KANTR: variants seen among roughly 807,000 people sequenced by gnomAD.
KANTR encodes KDM5C adjacent transcript.
rs372072136 is a variant in KANTR at position 53,142,281 on chromosome X, T to C, written n.637T>C. On this transcript the variant is annotated non_coding_transcript_exon_variant, in exon 3 of 3. Coordinates refer to the KANTR transcript ENST00000366185. Reference sequence around the variant, plus strand: ...ACAAGTCTACAATCCAGTGCTGATATCAGATACAAGCTTCAAGGACAACTT... The same window carrying C: ...ACAAGTCTACAATCCAGTGCTGATACCAGATACAAGCTTCAAGGACAACTT... The C allele has an allele frequency of 1.2e-3, 165 of 132,268 alleles. 1 individual carries two copies. The highest frequency in any genetic ancestry group is 4.9e-3 in the African/African-American group (151 of 30,787). The allele number at this position is 132,268 out of a possible 1,213,427, so 10.9% of individuals were successfully genotyped here. A position where few individuals can be genotyped will look rare whatever the true frequency, so the allele number is the denominator to read the frequency against.
intron 2 of KANTR, among the ~76,000 whole-genome samples, chrX:53,104,478 C>T (rs193075245): frequency 1.0e-4 from 11 of 110,417 alleles, no homozygotes; most frequent in Non-Finnish European, 2.1e-4. Flanking sequence ...CCACCCGCCT[C>T]GGCCTCCCAA....
At chrX:53,102,517 G>T (rs1932903232) in intron 2 of KANTR, among the ~76,000 whole-genome samples, 1 of 112,246 alleles carries the variant, frequency 8.9e-6, no homozygotes, top group Non-Finnish European at 1.9e-5. Context: ...CCGCAGAAGA[G>T]AAGTTATGTC....
At chrX:53,139,663 A>T (rs782290791) in intron 2 of KANTR, among the ~76,000 whole-genome samples, 3 of 111,092 alleles carry the variant, frequency 2.7e-5, no homozygotes, top group African/African-American at 6.6e-5. Flanking sequence ...AGAAAAAATA[A>T]TTTTTTTTTA....
chrX:53,111,049 T>G (rs1437765366), intron 2 of KANTR, among the ~76,000 whole-genome samples: 2 of 109,366 alleles, frequency 1.8e-5, no homozygotes, highest in African/African-American at 6.6e-5. Context: ...AGAGTCTTGC[T>G]CTGTCACCTA....
chrX:53,143,632 A>G, downstream of KANTR: 1 of 739,187 alleles, frequency 1.4e-6, no homozygotes. Context: ...GGTCATGCAC[A>G]GCTCGTTGTA....
At chrX:53,120,991 T>G (rs782200982) in intron 2 of KANTR, among the ~76,000 whole-genome samples, 24 of 106,860 alleles carry the variant, frequency 2.2e-4, no homozygotes, top group South Asian at 2.1e-3. Flanking sequence ...CAAGGTGTTG[T>G]TTTTTTTTGT....
intron 2 of KANTR, among the ~76,000 whole-genome samples, chrX:53,136,693 CATATATATATATATATATAT>C (rs58263602): frequency 0.048 from 451 of 9,304 alleles, 65 homozygotes; most frequent in South Asian, 0.07. Flanking sequence ...CCACGCCCGG[CATATATATATATATATATAT>C]ATATATATAT....
downstream of KANTR, among the ~76,000 whole-genome samples, chrX:53,146,657 G>GCA (rs1483379119): frequency 3.6e-5 from 4 of 111,128 alleles, no homozygotes; most frequent in Non-Finnish European, 7.5e-5. Context: ...GCAACTCCAA[G>GCA]ACACATAATT....
chrX:53,101,215 A>G (rs1290508250), intron 2 of KANTR, among the ~76,000 whole-genome samples: 1 of 113,012 alleles, frequency 8.8e-6, no homozygotes, highest in African/African-American at 3.2e-5. Context: ...CAACTTGGCT[A>G]ACTGTTCGGC....
At chrX:53,134,704 G>A (rs1933400971) in intron 2 of KANTR, among the ~76,000 whole-genome samples, 1 of 111,856 alleles carries the variant, frequency 8.9e-6, no homozygotes, top group Non-Finnish European at 1.9e-5. Context: ...CTATGAGGGG[G>A]TGGGTGTTGG....
chrX:53,105,264 C>T (rs1556812530), intron 2 of KANTR, among the ~76,000 whole-genome samples: 1 of 111,708 alleles, frequency 9.0e-6, no homozygotes, highest in Non-Finnish European at 1.9e-5. Context: ...ATGAAGGTTC[C>T]AGTTTCTCCA....
intron 2 of KANTR, among the ~76,000 whole-genome samples, chrX:53,139,230 A>G (rs1226987797): frequency 1.8e-4 from 4 of 21,803 alleles, no homozygotes; most frequent in Admixed American, 8.9e-4. Flanking sequence ...CAAAAAAAAA[A>G]AAAAAAAAAA....
chrX:53,105,710 G>A (rs1165478457), intron 2 of KANTR, among the ~76,000 whole-genome samples: 1 of 104,861 alleles, frequency 9.5e-6, no homozygotes, highest in Non-Finnish European at 2.0e-5. Flanking sequence ...GTGTTGCCCA[G>A]GCTGATCTCG....
chrX:53,116,503 T>C (rs1005282724), intron 2 of KANTR, among the ~76,000 whole-genome samples: 3 of 112,079 alleles, frequency 2.7e-5, no homozygotes, highest in African/African-American at 9.7e-5. Flanking sequence ...TTCTCTAGGA[T>C]TTCCTGTAAA....
chrX:53,097,938 C>T (rs1326414417), intron 1 of KANTR, among the ~76,000 whole-genome samples: 43 of 104,313 alleles, frequency 4.1e-4, no homozygotes, highest in Non-Finnish European at 8.2e-4. Context: ...GTAGTCCCAG[C>T]TACTTGGGAG....
chrX:53,106,005 C>A (rs1556812736), intron 2 of KANTR, among the ~76,000 whole-genome samples: 1 of 105,014 alleles, frequency 9.5e-6, no homozygotes. Flanking sequence ...CTACAGGCGC[C>A]CGCCACCATG....
chrX:53,100,524 G>A (rs1448237538), intron 2 of KANTR, among the ~76,000 whole-genome samples: 4 of 109,531 alleles, frequency 3.7e-5, no homozygotes, highest in Non-Finnish European at 5.7e-5. Flanking sequence ...TGTTGGCCGG[G>A]TGCGGTGGCT....
chrX:53,115,817 G>C (rs928171642), intron 2 of KANTR, among the ~76,000 whole-genome samples: 3 of 111,935 alleles, frequency 2.7e-5, no homozygotes, highest in Non-Finnish European at 5.6e-5. Flanking sequence ...TCTTATTTCC[G>C]TGCTACACCC....
intron 1 of KANTR, among the ~76,000 whole-genome samples, chrX:53,098,044 C>G (rs1249068824): frequency 1.0e-4 from 7 of 68,944 alleles, no homozygotes; most frequent in Non-Finnish European, 1.7e-4. Flanking sequence ...CAGCGAGACT[C>G]TGTCTCAAAA....
Sources: allele counts gnomAD v4.1 joint callset (sites outside exome capture counted in the v4.1 genomes callset), GRCh38; gene constraint gnomAD v4.1.1; transcripts MANE v1.5; gene names NCBI Gene and HGNC (gene_info 2026-07-23, HGNC 2026-07-21).